CASK: variants seen among roughly 807,000 people sequenced by gnomAD.
CASK encodes the protein calcium/calmodulin dependent serine protein kinase, also known as peripheral plasma membrane protein CASK.
In CASK, 4 loss-of-function variants were observed where a neutral mutation model predicts 82.9. The ratio of observed to expected loss-of-function variants is 0.05; its 90% CI spans 0.02 to 0.11. The LOEUF (loss-of-function observed/expected upper bound fraction) is 0.11. Among genes scored for constraint, CASK ranks in the 10% least tolerant of loss-of-function variants. CASK has a pLI of 1.00. For synonymous variants in CASK, 259 were observed against 253.5 expected (o/e 1.02, Z -0.20); for missense variants, 358 against 720.9 (o/e 0.50, Z 5.76).
intron 14 of CASK, among the ~76,000 whole-genome samples, chrX:41,580,898 T>TAGTA (rs1489178431): frequency 1.8e-5 from 2 of 112,460 alleles, no homozygotes; most frequent in African/African-American, 6.5e-5. Context: ...TTTTGTACTA[T>TAGTA]AGTAAGGATA....
At chrX:41,743,552 C>T (rs2068631820) in intron 4 of CASK, 1 of 287,221 alleles carries the variant, frequency 3.5e-6, no homozygotes, top group African/African-American at 2.8e-5. Context: ...AACACAGCGA[C>T]CACACATTGA....
Position 41,578,496 on chromosome X carries a change from A to G in CASK, c.1347T>C (p.His449=). The change falls in exon 15 of 27, where the codon CAT becomes CAC. Residue 449 remains histidine (H), a synonymous_variant. Coordinates refer to ENST00000378163, the MANE Select transcript of CASK (RefSeq NM_001367721.1). ...TCAATGCTTCATCACTGTAAACTTC[A>G]TGTGCCACTACGTCGTGAGTCTGAA... is the stretch of plus-strand genomic sequence containing the variant. ...ALLQTHDVVA[H]EVYSDEALRV... The G allele has an allele frequency of 8.3e-7, 1 of 1,208,740 alleles. No homozygotes were observed. Among genetic ancestry groups the G allele is most frequent in the Non-Finnish European group, 1.1e-6 (1 of 892,763 alleles).
At chrX:41,764,616 C>T (rs191224724) in intron 3 of CASK, among the ~76,000 whole-genome samples, 75 of 111,575 alleles carry the variant, frequency 6.7e-4, no homozygotes, top group African/African-American at 2.3e-3. Context: ...GCTTTGACTC[C>T]TCTTCCTCCT....
intron 1 of CASK, among the ~76,000 whole-genome samples, chrX:41,860,200 A>T (rs1318019463): frequency 9.0e-6 from 1 of 110,822 alleles, no homozygotes; most frequent in Admixed American, 9.6e-5. Flanking sequence ...GTAAGTACAT[A>T]AAATTTTGAG....
chrX:41,683,602 G>C (rs1263054431), intron 5 of CASK: 1 of 112,077 alleles, frequency 8.9e-6, no homozygotes, highest in Non-Finnish European at 1.9e-5. Context: ...AGGCTCCCTT[G>C]ATGCATATAA....
intron 2 of CASK, among the ~76,000 whole-genome samples, chrX:41,791,065 C>G (rs761574456): frequency 1.8e-5 from 2 of 111,345 alleles, no homozygotes; most frequent in Non-Finnish European, 1.9e-5. Flanking sequence ...GTTACCATCT[C>G]TATTTTGAAG....
rs1307415776 is a variant in CASK, at chrX:41,770,287, TCTATCTATCTAC to T, written c.278+16879_278+16890del. On this transcript the variant is annotated intron_variant, in intron 3 of 26. Transcript: ENST00000378163. ...ATCTATCTATCTATCTATCTATCTA[TCTATCTATCTAC>T]CTACCTACCTACCTATCCATCCATC... Among the ~76,000 whole-genome samples the T allele has an allele frequency of 5.9e-3, 587 of 99,567 alleles. 7 individuals carry two copies. Among genetic ancestry groups the T allele is most frequent in the African/African-American group, 0.02 (553 of 27,203 alleles). 86.5% of individuals were successfully genotyped at this position (99,567 alleles called of 115,157 possible).
intron 5 of CASK, among the ~76,000 whole-genome samples, chrX:41,709,846 T>G (rs1199502918): frequency 9.0e-6 from 1 of 111,152 alleles, no homozygotes; most frequent in Non-Finnish European, 1.9e-5. Flanking sequence ...TCCCTTGACA[T>G]CTATCTCTTT....
intron 5 of CASK, among the ~76,000 whole-genome samples, chrX:41,695,162 G>A (rs1171243237): frequency 1.8e-5 from 2 of 111,629 alleles, no homozygotes; most frequent in Non-Finnish European, 3.8e-5. Context: ...GTAGGCCATG[G>A]CCACAGGAAA....
At chrX:41,560,699 T>A (rs1470311464) in intron 17 of CASK, among the ~76,000 whole-genome samples, 4 of 105,122 alleles carry the variant, frequency 3.8e-5, no homozygotes. Context: ...GAGACCAGCC[T>A]GGCCAACATG....
At chrX:41,539,185 G>A (rs1177089003) in intron 22 of CASK, among the ~76,000 whole-genome samples, 1 of 111,991 alleles carries the variant, frequency 8.9e-6, no homozygotes, top group Non-Finnish European at 1.9e-5. Context: ...ACTTTATGAT[G>A]GGAGTTGTAG....
At chrX:41,578,550 A>T (rs746057605) in intron 14 of CASK, 22 bp from the exon 15 acceptor site, 1 of 1,049,262 alleles carries the variant, frequency 9.5e-7, no homozygotes, top group East Asian at 3.1e-5. Context: ...TGAAGAAAAA[A>T]ATTATTAATA....
chrX:41,568,306 T>G (rs1203988139), intron 16 of CASK, among the ~76,000 whole-genome samples: 1 of 109,061 alleles, frequency 9.2e-6, no homozygotes. Context: ...CATATAAAAA[T>G]TATTAAAAAT....
chrX:41,790,122 T>C, intron 2 of CASK: 1 of 705,423 alleles, frequency 1.4e-6, no homozygotes, highest in Non-Finnish European at 1.8e-6. Context: ...GTAGAGACTT[T>C]TTTTTTTCTT....
At chrX:41,645,924 C>T (rs757810869) in intron 8 of CASK, among the ~76,000 whole-genome samples, 2 of 110,001 alleles carry the variant, frequency 1.8e-5, no homozygotes, top group Non-Finnish European at 3.8e-5. Context: ...GATAGATGCT[C>T]CTGCAGAAAT....
At chrX:41,696,830 G>A in intron 5 of CASK, 1 of 813,542 alleles carries the variant, frequency 1.2e-6, no homozygotes. Flanking sequence ...ATTCTTTGAA[G>A]AACTAAAAAA....
intron 3 of CASK, among the ~76,000 whole-genome samples, chrX:41,771,640 A>G (rs5964043): frequency 0.011 from 1,267 of 111,644 alleles, 20 homozygotes; most frequent in African/African-American, 0.038. Flanking sequence ...TGTGTTACGA[A>G]GCATACTGTA....
intron 2 of CASK, among the ~76,000 whole-genome samples, chrX:41,806,579 C>T (rs551881986): frequency 8.9e-6 from 1 of 112,103 alleles, no homozygotes; most frequent in Admixed American, 9.5e-5. Flanking sequence ...AGATGACACA[C>T]ACAGTAGACA....
intron 1 of CASK, among the ~76,000 whole-genome samples, chrX:41,854,429 A>G (rs1258870145): frequency 8.9e-6 from 1 of 112,547 alleles, no homozygotes; most frequent in African/African-American, 3.2e-5. Flanking sequence ...CATTAAATAC[A>G]TGTGTACATG....
Sources: gnomAD v4.1 joint callset for allele counts (sites outside exome capture counted in the v4.1 genomes callset) on GRCh38, gnomAD v4.1.1 for gene constraint, MANE v1.5 for transcripts, NCBI Gene and HGNC (gene_info 2026-07-23, HGNC 2026-07-21) for gene names.